SERINC5: variants seen among roughly 807,000 people sequenced by gnomAD.
SERINC5 encodes chromosome 5 open reading frame 12.
SERINC5 carries 41 observed loss-of-function variants against 63.1 expected under a neutral mutation model. The observed-to-expected ratio is 0.65, with a 90% confidence interval of 0.51 to 0.84. The LOEUF is 0.84. Among genes scored for constraint, SERINC5 ranks in the 40% least tolerant of loss-of-function variants. The probability of loss-of-function intolerance (pLI) is 0.00; values close to 1 mark genes in which losing one functional copy is unlikely to be tolerated. For synonymous variants in SERINC5, 222 were observed against 215.2 expected (o/e 1.03, Z -0.28); for missense variants, 523 against 573.0 (o/e 0.91, Z 0.89).
In SERINC5 at chr5:80,140,200, T is replaced by C. The variant is rs185791693; in HGVS notation, c.*3463A>G. 394 of 733,702 alleles carry C rather than the reference T, an allele frequency of 5.4e-4. 1 individual carries two copies. The African/African-American group carries it at 7.3e-3, about 14-fold the overall frequency. 45.4% of individuals were successfully genotyped at this position (733,702 alleles called of 1,614,324 possible). ...CAGGTGTGATGGGGCAAACCTGTGG[T>C]CTCAGCTACTTGGGAGGTGGTCCTT... On this transcript the variant is annotated 3_prime_UTR_variant, in exon 12 of 12. Coordinates refer to ENST00000507668, the MANE Select transcript of SERINC5 (RefSeq NM_001174072.3).
intron 5 of SERINC5, among the ~76,000 whole-genome samples, chr5:80,173,883 C>CA (rs758560406): frequency 3.3e-5 from 5 of 151,594 alleles, no homozygotes; most frequent in South Asian, 2.1e-4. Flanking sequence ...ACTAAAAATC[C>CA]AAAAAAAGTC....
At chr5:80,199,232 G>T (rs954578719) in intron 2 of SERINC5, among the ~76,000 whole-genome samples, 17 of 152,146 alleles carry the variant, frequency 1.1e-4, no homozygotes, top group Non-Finnish European at 1.6e-4. Context: ...ATTCAGACCA[G>T]ATTCAAATCC....
intron 1 of SERINC5, among the ~76,000 whole-genome samples, chr5:80,206,458 A>G (rs1219941739): frequency 6.6e-6 from 1 of 152,094 alleles, no homozygotes; most frequent in African/African-American, 2.4e-5. Flanking sequence ...AATTTTTCCT[A>G]ACCAACTCTC....
At chr5:80,233,621 T>C (rs1751552826) in intron 1 of SERINC5, among the ~76,000 whole-genome samples, 1 of 151,996 alleles carries the variant, frequency 6.6e-6, no homozygotes, top group African/African-American at 2.4e-5. Context: ...GAACACTTGT[T>C]AATTTAAATA....
intron 6 of SERINC5, among the ~76,000 whole-genome samples, chr5:80,168,564 G>A (rs59982056): frequency 0.063 from 9,608 of 152,080 alleles, 351 homozygotes; most frequent in African/African-American, 0.087. Context: ...TTTATTGCCT[G>A]TATTTTCCTA....
intron 8 of SERINC5, among the ~76,000 whole-genome samples, chr5:80,154,601 C>T (rs147743488): frequency 6.6e-6 from 1 of 152,116 alleles, no homozygotes; most frequent in South Asian, 2.1e-4. Context: ...TCCCCACCCC[C>T]CCATAAAGGC....
chr5:80,246,762 A>G (rs1481456532), intron 1 of SERINC5, among the ~76,000 whole-genome samples: 1 of 152,216 alleles, frequency 6.6e-6, no homozygotes, highest in African/African-American at 2.4e-5. Context: ...ACTGACTCTC[A>G]GATTAAGTTC....
intron 1 of SERINC5, among the ~76,000 whole-genome samples, chr5:80,223,954 C>T (rs1284829142): frequency 2.0e-5 from 3 of 150,676 alleles, no homozygotes; most frequent in Admixed American, 6.6e-5. Context: ...GGTGAAACCC[C>T]GTCTCAGATA....
In SERINC5 at chr5:80,113,070, C is replaced by T. The variant is rs369173878; in HGVS notation, c.*29+502G>A. On this transcript the variant is annotated intron_variant, in intron 12 of 12. Coordinates refer to the SERINC5 transcript ENST00000509193. ...TTGGGGCCATTGAAGTTGTTTAATTCTTTTTCCAATATAAATAATTTTATT... is the reference window on the plus strand; with the variant it reads ...TTGGGGCCATTGAAGTTGTTTAATTTTTTTTCCAATATAAATAATTTTATT... Among the ~76,000 whole-genome samples the T allele has an allele frequency of 2.6e-5, 4 of 152,076 alleles. No homozygotes were observed. The East Asian group carries it at 5.8e-4, about 22-fold the overall frequency.
rs964710600 is a variant in SERINC5 at position 80,242,480 on chromosome 5, G to A, written c.27+13416C>T. Reference sequence around the variant, plus strand: ...TAAAAATACAAAAATTAGGCCAGGCGCAGTGGCTCACGCCTATAATCCCAG... The same window carrying A: ...TAAAAATACAAAAATTAGGCCAGGCACAGTGGCTCACGCCTATAATCCCAG... On this transcript the variant is annotated intron_variant, in intron 1 of 11. Transcript: ENST00000507668. Among the ~76,000 whole-genome samples, 6 of 135,560 alleles carry A rather than the reference G, an allele frequency of 4.4e-5. No homozygotes were observed. The East Asian group carries it at 8.9e-4, about 20-fold the overall frequency. The allele number at this position is 135,560 out of a possible 152,430, so 88.9% of individuals were successfully genotyped here.
intron 11 of SERINC5, among the ~76,000 whole-genome samples, chr5:80,120,762 C>T (rs1340433137): frequency 2.0e-5 from 3 of 151,940 alleles, no homozygotes; most frequent in East Asian, 3.9e-4. Flanking sequence ...TTGCGTGAGC[C>T]GAGTTTCAGG....
downstream of SERINC5, among the ~76,000 whole-genome samples, chr5:80,134,014 C>G (rs1745053225): frequency 6.6e-6 from 1 of 152,186 alleles, no homozygotes. Flanking sequence ...TCCAAAATAC[C>G]TGTTATCTGG....
intron 2 of SERINC5, among the ~76,000 whole-genome samples, chr5:80,189,990 G>A (rs565094076): frequency 2.6e-5 from 4 of 152,102 alleles, no homozygotes; most frequent in South Asian, 4.2e-4. Flanking sequence ...GGGATTATAG[G>A]TGGGAGCCAC....
rs947847721 is a variant in SERINC5 at position 80,116,354 on chromosome 5, C to A, written c.1239-2729G>T. On this transcript the variant is annotated intron_variant, in intron 11 of 12. Coordinates refer to the SERINC5 transcript ENST00000509193. ...AACAAAATAGAAATCAAAATCTCAC[C>A]TTGTGTTCCCTTCCTCTTCCTGGAC... 7 of 456,032 alleles carry A rather than the reference C, an allele frequency of 1.5e-5. No homozygotes were observed. In the Admixed American group the frequency reaches 1.6e-4, roughly 11 times the overall value. The allele number at this position is 456,032 out of a possible 1,614,324, so 28.2% of individuals were successfully genotyped here.
chr5:80,221,455 C>T (rs1750901915), intron 1 of SERINC5, among the ~76,000 whole-genome samples: 1 of 152,078 alleles, frequency 6.6e-6, no homozygotes, highest in Admixed American at 6.5e-5. Context: ...GACTAGCATG[C>T]AGTCTCTGAA....
chr5:80,200,680 C>T (rs1000081950), intron 2 of SERINC5, among the ~76,000 whole-genome samples: 1 of 152,118 alleles, frequency 6.6e-6, no homozygotes, highest in Non-Finnish European at 1.5e-5. Context: ...GACCATACAA[C>T]CAGAATTATA....
At chr5:80,160,241 A>G (rs1746795939) in intron 7 of SERINC5, among the ~76,000 whole-genome samples, 1 of 152,222 alleles carries the variant, frequency 6.6e-6, no homozygotes, top group African/African-American at 2.4e-5. Context: ...TTTTAGTGTC[A>G]CAGAAACCTT....
At chr5:80,214,187 T>G (rs553350339) in intron 1 of SERINC5, among the ~76,000 whole-genome samples, 47 of 152,288 alleles carry the variant, frequency 3.1e-4, no homozygotes, top group South Asian at 8.3e-4. Context: ...ATAGTTAATA[T>G]TAATAGTGTA....
chr5:80,125,049 G>C (rs1292272864), intron 11 of SERINC5, among the ~76,000 whole-genome samples: 1 of 152,222 alleles, frequency 6.6e-6, no homozygotes, highest in Non-Finnish European at 1.5e-5. Flanking sequence ...TCACGTGCTA[G>C]ACTCTTGACT....
Sources: gnomAD v4.1 joint callset for allele counts (sites outside exome capture counted in the v4.1 genomes callset) on GRCh38, gnomAD v4.1.1 for gene constraint, MANE v1.5 for transcripts, NCBI Gene and HGNC (gene_info 2026-07-23, HGNC 2026-07-21) for gene names.